Variants in FLT4 observed in about 807,000 individuals in gnomAD.
FLT4 encodes the protein vascular endothelial growth factor receptor 3.
FLT4 carries 30 observed loss-of-function variants against 163.2 expected under a neutral mutation model. The ratio of observed to expected loss-of-function variants is 0.18; its 90% confidence interval spans 0.14 to 0.25. The LOEUF (loss-of-function observed/expected upper bound fraction) is 0.25, where lower values mean the gene tolerates loss of function less well. FLT4 is among the 10% of genes least tolerant of loss of function. The pLI is 1.00. For missense variants in FLT4, 1,510 were observed against 1,863.8 expected, an observed-to-expected ratio of 0.81 and a Z score of 3.50; for synonymous variants, 884 against 789.5, an observed-to-expected ratio of 1.12 and a Z score of -2.01.
intron 1 of FLT4, among the ~76,000 whole-genome samples, chr5:180,640,059 G>A (rs530463182): frequency 6.6e-6 from 1 of 152,210 alleles, no homozygotes; most frequent in Admixed American, 6.5e-5. Context: ...CTCGGGCCAC[G>A]GGGCCTTGGC....
intron 1 of FLT4, among the ~76,000 whole-genome samples, chr5:180,640,934 C>T (rs769129101): frequency 1.3e-5 from 2 of 152,176 alleles, no homozygotes; most frequent in Non-Finnish European, 2.9e-5. Flanking sequence ...AGCTGCTCTC[C>T]GAATGATGGC....
chr5:180,643,376 A>C (rs73812642), intron 1 of FLT4, among the ~76,000 whole-genome samples: 6,016 of 152,236 alleles, frequency 0.04, 170 homozygotes, highest in South Asian at 0.12. Flanking sequence ...CCATCCTGAC[A>C]GCAGCTTGGC....
chr5:180,630,804 C>A lies in FLT4; in HGVS notation c.156-5G>T, dbSNP rs1322975880. On this transcript the variant is annotated splice_polypyrimidine_tract_variant and splice_region_variant and intron_variant, in intron 2 of 29. Transcript: ENST00000261937. This position sits in a 1 kb window ranked among gnomAD's most constrained non-coding sequence, Gnocchi z 6.3. ...CACTCGAGGGGGTGCTGTCCCCTGG[C>A]AGAGGACAGGAGTGGTCAGGTGGGC... The A allele has an allele frequency of 1.3e-6, 2 of 1,599,928 alleles. No homozygotes were observed. Among genetic ancestry groups the A allele is most frequent in the Non-Finnish European group, 8.5e-7 (1 of 1,177,938 alleles).
In FLT4 at chr5:180,618,909, G is replaced by T; in HGVS notation, c.2862C>A (p.Pro954=). The T allele has an allele frequency of 6.3e-7, 1 of 1,585,712 alleles. No individual in the cohort carries two copies. Among genetic ancestry groups the T allele is most frequent in the East Asian group, 2.3e-5 (1 of 43,548 alleles). The part of the protein sequence containing the change: ...DAFSPCAEKS[P]EQRGRFRAMV... Reference sequence around the variant, plus strand: ...TGGCGCGGAAGCGTCCGCGCTGCTCGGGAGACTTCTCCTGCGGATGCACGA... The same window carrying T: ...TGGCGCGGAAGCGTCCGCGCTGCTCTGGAGACTTCTCCTGCGGATGCACGA... Residue 954 remains proline, a synonymous_variant, in exon 21 of 30, where the codon CCC becomes CCA. Transcript: ENST00000261937.
intron 23 of FLT4, among the ~76,000 whole-genome samples, chr5:180,615,266 C>T (rs376419338): frequency 3.5e-5 from 4 of 114,608 alleles, no homozygotes; most frequent in East Asian, 5.1e-4. Flanking sequence ...TCTCCACTTC[C>T]GAAATCCACT....
intron 8 of FLT4, among the ~76,000 whole-genome samples, chr5:180,628,186 G>A (rs1430454692): frequency 2.0e-5 from 3 of 152,198 alleles, no homozygotes; most frequent in Non-Finnish European, 4.4e-5. Context: ...CCTCGTCTAT[G>A]CAATGGGGAC....
At chr5:180,632,034 A>G (rs1265251814) in intron 1 of FLT4, among the ~76,000 whole-genome samples, 1 of 152,026 alleles carries the variant, frequency 6.6e-6, no homozygotes, top group Non-Finnish European at 1.5e-5. Context: ...TCAGCTACAC[A>G]CCGGCCCTGG....
intron 24 of FLT4, 131 bp from the exon 25 acceptor site, chr5:180,613,241 T>A: frequency 1.6e-6 from 1 of 626,950 alleles, no homozygotes; most frequent in Non-Finnish European, 2.8e-6. Flanking sequence ...CGTGGTGGGG[T>A]GGAGATGGCT....
intron 10 of FLT4, among the ~76,000 whole-genome samples, 164 bp from the exon 11 acceptor site, chr5:180,624,225 G>GT (rs1763417123): frequency 6.9e-6 from 1 of 144,152 alleles, no homozygotes; most frequent in African/African-American, 2.7e-5. Context: ...GGGGACTTTG[G>GT]TGTTTTTTTT....
intron 1 of FLT4, among the ~76,000 whole-genome samples, chr5:180,637,409 C>A (rs1265307074): frequency 6.6e-6 from 1 of 152,156 alleles, no homozygotes; most frequent in African/African-American, 2.4e-5. Flanking sequence ...CCAGCCAGGG[C>A]CTCAGAAATC....
In FLT4 at chr5:180,601,526, C is replaced by T. The variant is rs541004213; in HGVS notation, c.*1666G>A. ...TCCCGTCCGCAACACACACAAAGACCGGCATCAGATTTATTATTATCTCTT... is the reference window on the plus strand; with the variant it reads ...TCCCGTCCGCAACACACACAAAGACTGGCATCAGATTTATTATTATCTCTT... On this transcript the variant is annotated 3_prime_UTR_variant, in exon 30 of 30. Transcript: ENST00000261937. 2.6e-5 allele frequency: 6 copies of T among 232,486 alleles called. No individual in the cohort carries two copies. Among genetic ancestry groups the T allele is most frequent in the East Asian group, 1.2e-4 (2 of 16,536 alleles). The allele number at this position is 232,486 out of a possible 1,614,324, so 14.4% of individuals were successfully genotyped here.
chr5:180,618,989 CG>C lies in FLT4; in HGVS notation c.2850+31del, dbSNP rs1199697506. On this transcript the variant is annotated intron_variant, in intron 20 of 29. Transcript: ENST00000261937. ...CGCAGAGGCGCCTCCATTCCCCCGC[CG>C]CCCGCGGCGCCCCGCAGGCCGCCCG... 4 of 1,547,418 alleles carry C rather than the reference CG, an allele frequency of 2.6e-6. No individual in the cohort carries two copies. In the Admixed American group the frequency reaches 8.0e-5, roughly 31 times the overall value.
chr5:180,628,738 G>A (rs867260514), intron 8 of FLT4, 144 bp downstream of exon 8: 1 of 657,166 alleles, frequency 1.5e-6, no homozygotes, highest in Middle Eastern at 4.3e-4. Flanking sequence ...TCCTTGGGGG[G>A]TCTCCTGAGA....
chr5:180,610,873 C>T (rs908461410), intron 27 of FLT4, among the ~76,000 whole-genome samples: 19 of 152,142 alleles, frequency 1.2e-4, no homozygotes, highest in African/African-American at 1.7e-4. Flanking sequence ...CTGGCTAACA[C>T]GGTGAAACCC....
chr5:180,636,103 C>T lies in FLT4; in HGVS notation c.59-4325G>A, dbSNP rs1320757287. Among the ~76,000 whole-genome samples the T allele has an allele frequency of 6.6e-6, 1 of 151,938 alleles. No homozygotes were observed. Among genetic ancestry groups the T allele is most frequent in the Admixed American group, 6.6e-5 (1 of 15,256 alleles). ...GGAGCTTCCTCCTGAAGGCACCGTG[C>T]CACCAAAGGAAGCACCTGCATCACT... On this transcript the variant is annotated intron_variant, in intron 1 of 29. Transcript: ENST00000261937. The surrounding 1 kb of genome is among the most constrained non-coding windows in gnomAD (Gnocchi z 4.3).
intron 27 of FLT4, 104 bp from the exon 28 acceptor site, chr5:180,610,129 C>T (rs935454750): frequency 1.7e-5 from 26 of 1,553,512 alleles, no homozygotes; most frequent in Admixed American, 3.4e-5. Flanking sequence ...AAGGACCCCC[C>T]GCCTGGGGCA....
chr5:180,619,447 A>G, intron 18 of FLT4, 81 bp from the exon 19 acceptor site: 4 of 1,095,774 alleles, frequency 3.7e-6, no homozygotes, highest in South Asian at 1.2e-5. Flanking sequence ...TGGGAGGGGG[A>G]GGGTTACTAA....
chr5:180,613,840 A>G (rs796221171), intron 24 of FLT4: 1 of 598,594 alleles, frequency 1.7e-6, no homozygotes, highest in Admixed American at 2.4e-5. Context: ...CTCAGGCTTC[A>G]ATGTGCACCC....
intron 1 of FLT4, 40 bp downstream of exon 1, chr5:180,649,448 A>G: frequency 7.0e-7 from 1 of 1,418,522 alleles, no homozygotes; most frequent in Non-Finnish European, 9.3e-7. Context: ...CTCCCCGGCC[A>G]GCCCCACGCT....
Sources: allele counts gnomAD v4.1 joint callset (sites outside exome capture counted in the v4.1 genomes callset), GRCh38; gene constraint gnomAD v4.1.1; non-coding constraint Gnocchi (gnomAD v3.1); transcripts MANE v1.5; gene names NCBI Gene and HGNC (gene_info 2026-07-23, HGNC 2026-07-21).